Variants in TBXAS1 observed in about 807,000 individuals in gnomAD.
TBXAS1 encodes thromboxane-A synthase.
Under a neutral mutation model 60.7 loss-of-function variants are expected in TBXAS1, and 48 were observed. The ratio of observed to expected loss-of-function variants is 0.79; its 90% confidence interval spans 0.63 to 1.01. The LOEUF is 1.01. TBXAS1 is among the 50% of genes least tolerant of loss of function. The probability of loss-of-function intolerance (pLI) is 0.00; values close to 1 mark genes in which losing one functional copy is unlikely to be tolerated. For missense variants in TBXAS1, 685 were observed against 686.3 expected, an observed-to-expected ratio of 1.00 and a Z score of 0.02; for synonymous variants, 287 against 269.7, an observed-to-expected ratio of 1.06 and a Z score of -0.63.
intron 3 of TBXAS1, among the ~76,000 whole-genome samples, chr7:139,785,426 C>T (rs939112783): frequency 2.0e-5 from 3 of 152,108 alleles, no homozygotes; most frequent in Non-Finnish European, 4.4e-5. Flanking sequence ...CCTAGTCCTT[C>T]AGCTCCAGCC....
intron 5 of TBXAS1, among the ~76,000 whole-genome samples, chr7:139,941,215 G>C (rs1161984073): frequency 1.3e-5 from 2 of 152,210 alleles, no homozygotes; most frequent in African/African-American, 4.8e-5. Flanking sequence ...TGAAATAAAA[G>C]TTTGTTTCCC....
intron 4 of TBXAS1, among the ~76,000 whole-genome samples, chr7:139,802,471 G>C (rs550601582): frequency 6.6e-6 from 1 of 152,232 alleles, no homozygotes; most frequent in African/African-American, 2.4e-5. Flanking sequence ...TAAGTCTCTA[G>C]AGATCTGATG....
chr7:139,800,786 T>C (rs1191597411), intron 4 of TBXAS1, among the ~76,000 whole-genome samples: 4 of 152,248 alleles, frequency 2.6e-5, no homozygotes, highest in Non-Finnish European at 5.9e-5. Flanking sequence ...GACCTTCTCA[T>C]ATTTCCTCAT....
chr7:139,847,862 C>T (rs1267147089), intron 1 of TBXAS1, among the ~76,000 whole-genome samples: 2 of 152,150 alleles, frequency 1.3e-5, no homozygotes, highest in African/African-American at 4.8e-5. Flanking sequence ...TGCTCTGTCA[C>T]CCATGCTGAA....
chr7:139,791,145 C>T (rs895720993), intron 4 of TBXAS1, among the ~76,000 whole-genome samples: 1 of 152,188 alleles, frequency 6.6e-6, no homozygotes, highest in African/African-American at 2.4e-5. Context: ...CAAAAAAGAA[C>T]CCAGAAACAC....
At chr7:139,890,207 CTTTTTTTT>C (rs57305084) in intron 3 of TBXAS1, among the ~76,000 whole-genome samples, 1 of 85,602 alleles carries the variant, frequency 1.2e-5, no homozygotes, top group African/African-American at 4.7e-5. Context: ...AGGATGCAGT[CTTTTTTTT>C]TTTTTTTTTT....
chr7:139,833,451 G>C (rs980040937), intron 1 of TBXAS1, among the ~76,000 whole-genome samples: 1 of 145,358 alleles, frequency 6.9e-6, no homozygotes, highest in Non-Finnish European at 1.5e-5. Context: ...GGATCACAAG[G>C]TCAGGAGTTC....
chr7:140,012,682 C>G (rs193104261), intron 10 of TBXAS1, among the ~76,000 whole-genome samples: 3 of 152,166 alleles, frequency 2.0e-5, no homozygotes, highest in Non-Finnish European at 4.4e-5. Context: ...TGGTCTCCAG[C>G]TCCTGACCTC....
intron 2 of TBXAS1, among the ~76,000 whole-genome samples, chr7:139,873,137 C>T (rs1042514319): frequency 1.7e-4 from 26 of 152,240 alleles, no homozygotes; most frequent in Middle Eastern, 6.8e-3. Flanking sequence ...GACATAGAGA[C>T]GAGGGTACAC....
chr7:139,782,462 C>CTTTTTTTTTTT (rs111226975), intron 2 of TBXAS1: 2 of 149,980 alleles, frequency 1.3e-5, no homozygotes, highest in African/African-American at 2.5e-5. Flanking sequence ...AACAAAGGGT[C>CTTTTTTTTTTT]TTTTTTTTTT....
intron 1 of TBXAS1, among the ~76,000 whole-genome samples, chr7:139,831,584 C>G (rs1292431714): frequency 1.3e-5 from 2 of 152,176 alleles, no homozygotes; most frequent in Non-Finnish European, 2.9e-5. Flanking sequence ...TTAAGTGTTA[C>G]ATGTGCCATC....
At chr7:139,928,811 C>T (rs1291302947) in intron 4 of TBXAS1, among the ~76,000 whole-genome samples, 1 of 152,226 alleles carries the variant, frequency 6.6e-6, no homozygotes, top group Non-Finnish European at 1.5e-5. Flanking sequence ...CATTACTTCT[C>T]AGTGAACTTG....
intron 3 of TBXAS1, among the ~76,000 whole-genome samples, chr7:139,899,751 C>A (rs965088996): frequency 2.0e-5 from 3 of 152,278 alleles, no homozygotes; most frequent in Non-Finnish European, 4.4e-5. Context: ...TGCTCTAAAT[C>A]TCCACCTTTG....
intron 1 of TBXAS1, among the ~76,000 whole-genome samples, chr7:139,861,685 C>A (rs1045062856): frequency 6.6e-6 from 1 of 152,142 alleles, no homozygotes; most frequent in Non-Finnish European, 1.5e-5. Flanking sequence ...CATCTGACAA[C>A]GGTAACACAT....
chr7:139,910,728 A>G (rs1805453018), intron 3 of TBXAS1, among the ~76,000 whole-genome samples: 1 of 152,226 alleles, frequency 6.6e-6, no homozygotes, highest in Non-Finnish European at 1.5e-5. Context: ...AAGCAGGTTT[A>G]ATCTTTCCTC....
chr7:139,843,735 C>T (rs992756423), intron 1 of TBXAS1, among the ~76,000 whole-genome samples: 2 of 152,188 alleles, frequency 1.3e-5, no homozygotes, highest in South Asian at 4.1e-4. Flanking sequence ...CAGTGAGTGC[C>T]CTCTACATAG....
Position 139,975,697 on chromosome 7 carries a change from T to C in TBXAS1, c.1134+13464T>C, listed in dbSNP as rs750500012. The stretch of plus-strand genomic sequence containing the variant: ...GACCTGTCATCCAGGCTCTGAGCCC[T>C]GAGGATAATAAGTTTCCCTCGAAGG... On this transcript the variant is annotated intron_variant, in intron 9 of 12. Transcript: ENST00000448866. This position sits in a 1 kb window ranked among gnomAD's most constrained non-coding sequence, Gnocchi z 4.4. 3.3e-5 allele frequency among the ~76,000 whole-genome samples: 5 copies of C among 152,222 alleles called. No individual in the cohort carries two copies. Among genetic ancestry groups the C allele is most frequent in the Non-Finnish European group, 7.3e-5 (5 of 68,036 alleles).
In TBXAS1 at chr7:139,999,605, C is replaced by T. The variant is rs994125563; in HGVS notation, c.1135-7486C>T. 3.3e-5 allele frequency among the ~76,000 whole-genome samples: 5 copies of T among 152,212 alleles called. No homozygotes were observed. The highest frequency in any genetic ancestry group is 2.1e-4 in the South Asian group (1 of 4,830). On this transcript the variant is annotated intron_variant, in intron 9 of 12. Coordinates refer to ENST00000448866, the MANE Select transcript of TBXAS1 (RefSeq NM_001061.7). The surrounding 1 kb of genome is among the most constrained non-coding windows in gnomAD (Gnocchi z 4.3). ...AAAGCGAAGGTCACCCCATTTTCCA[C>T]GGCTTGGTTTCATATTATAGTCCCA... is the stretch of plus-strand genomic sequence containing the variant.
intron 9 of TBXAS1, among the ~76,000 whole-genome samples, chr7:139,991,614 C>CA (rs1023635258): frequency 6.6e-5 from 10 of 152,012 alleles, no homozygotes; most frequent in Non-Finnish European, 1.5e-4. Flanking sequence ...GTTGATTTCT[C>CA]AAAAAATCTA....
Sources: gnomAD v4.1 joint callset for allele counts (sites outside exome capture counted in the v4.1 genomes callset) on GRCh38, gnomAD v4.1.1 for gene constraint, Gnocchi (gnomAD v3.1) non-coding constraint, MANE v1.5 for transcripts, NCBI Gene and HGNC (gene_info 2026-07-23, HGNC 2026-07-21) for gene names.